The following SULT6B1 variants were observed in gnomAD, a reference collection of about 807,000 sequenced individuals.
The protein encoded by SULT6B1 is sulfotransferase family 6B member 1, also known as sulfotransferase 6B1.
SULT6B1 carries 44 observed loss-of-function variants against 37.2 expected under a neutral mutation model. The observed-to-expected ratio is 1.18, with a 90% CI of 0.93 to 1.52. The LOEUF (loss-of-function observed/expected upper bound fraction) is 1.52, where lower values mean the gene tolerates loss of function less well. Ranked by LOEUF, SULT6B1 falls within the 40% of genes most tolerant of loss-of-function variation. The probability of loss-of-function intolerance (pLI) is 0.00; values close to 1 mark genes in which losing one functional copy is unlikely to be tolerated. For synonymous variants in SULT6B1, 140 were observed against 126.0 expected, an observed-to-expected ratio of 1.11 and a Z score of -0.74; for missense variants, 450 against 361.0, an observed-to-expected ratio of 1.25 and a Z score of -2.00.
At chr2:37,170,964 C>T (rs188481450) in intron 6 of SULT6B1, among the ~76,000 whole-genome samples, 4 of 150,074 alleles carry the variant, frequency 2.7e-5, no homozygotes, top group South Asian at 2.1e-4. Flanking sequence ...GGCGGCCGGG[C>T]GCGGTGGCTC....
chr2:37,191,563 G>T (rs146723437), upstream of SULT6B1, among the ~76,000 whole-genome samples: 1 of 152,290 alleles, frequency 6.6e-6, no homozygotes, highest in East Asian at 1.9e-4. Context: ...TTGGCAGATC[G>T]CAAGTTCTTG....
intron 6 of SULT6B1, among the ~76,000 whole-genome samples, chr2:37,171,169 G>A (rs1003795691): frequency 1.1e-4 from 16 of 151,990 alleles, no homozygotes; most frequent in African/African-American, 3.4e-4. Context: ...GAACCCAGGA[G>A]GCGGAGGTTG....
At position 37,167,984 on chromosome 2, in the gene SULT6B1, C is replaced by G; in HGVS notation, c.863G>C (p.Gly288Ala). 2 of 1,599,584 alleles carry G rather than the reference C, an allele frequency of 1.3e-6. No homozygotes were observed. The highest frequency in any genetic ancestry group is 1.7e-6 in the Non-Finnish European group (2 of 1,176,614). The change falls in exon 7 of 7, where the codon GGC (glycine) becomes GCC (alanine). Residue 288 changes from glycine (G) to alanine (A), a missense_variant. Coordinates refer to ENST00000535679, the MANE Select transcript of SULT6B1 (RefSeq NM_001367551.1). ...CTTCAACTTTGCTCCGAGGGAGGTGCCTGCTAAGCACTCTTTGAATTTTTC... is the reference window on the plus strand; with the variant it reads ...CTTCAACTTTGCTCCGAGGGAGGTGGCTGCTAAGCACTCTTTGAATTTTTC... Reference protein sequence around the residue: ...MDEKFKECLAGTSLGAKLKYE... With the variant: ...MDEKFKECLAATSLGAKLKYE...
At chr2:37,182,665 A>C (rs146128075) in intron 3 of SULT6B1, among the ~76,000 whole-genome samples, 3,530 of 152,272 alleles carry the variant, frequency 0.023, 65 homozygotes, top group Middle Eastern at 0.054. Context: ...ACTAATTCAA[A>C]TCATTTTCTT....
chr2:37,168,174 GA>G (rs1676220249), intron 6 of SULT6B1, 109 bp from the exon 7 acceptor site: 2 of 1,139,384 alleles, frequency 1.8e-6, no homozygotes, highest in South Asian at 1.8e-5. Context: ...TGGACACATG[GA>G]AAAAAGCTTT....
At chr2:37,172,212 G>C (rs1676319628) in intron 5 of SULT6B1, among the ~76,000 whole-genome samples, 1 of 152,008 alleles carries the variant, frequency 6.6e-6, no homozygotes, top group Non-Finnish European at 1.5e-5. Flanking sequence ...CACCACATCT[G>C]GCTAATTCTT....
intron 4 of SULT6B1, among the ~76,000 whole-genome samples, chr2:37,177,818 T>C (rs1676464064): frequency 6.6e-6 from 1 of 152,230 alleles, no homozygotes; most frequent in Admixed American, 6.5e-5. Flanking sequence ...CATCATTTTG[T>C]TGTACACCTT....
In SULT6B1 at chr2:37,167,928, A is replaced by G. The variant is rs1676214837; in HGVS notation, c.*7T>C. ...AAATAAATCTAGGCCTGCTGAATTG[A>G]CTGGAATCAACCCTGGCAATATGAT... On this transcript the variant is annotated 3_prime_UTR_variant, in exon 7 of 7. Transcript: ENST00000535679. The G allele has an allele frequency of 1.3e-6, 2 of 1,568,600 alleles. No homozygotes were observed. The highest frequency in any genetic ancestry group is 8.6e-7 in the Non-Finnish European group (1 of 1,167,044).
upstream of SULT6B1, among the ~76,000 whole-genome samples, chr2:37,191,863 G>T (rs560442876): frequency 3.3e-5 from 5 of 152,214 alleles, no homozygotes; most frequent in Non-Finnish European, 7.3e-5. Context: ...GGGACTAAAA[G>T]AGCTGTTAGC....
chr2:37,178,432 T>C (rs1264411566), intron 4 of SULT6B1, among the ~76,000 whole-genome samples: 2 of 151,988 alleles, frequency 1.3e-5, no homozygotes, highest in African/African-American at 2.4e-5. Flanking sequence ...GACGGGGTTT[T>C]GCCATGTTGG....
In SULT6B1 at chr2:37,183,431, T is replaced by C; in HGVS notation, c.396A>G (p.Lys132=). 1 of 1,613,610 alleles carries C rather than the reference T, an allele frequency of 6.2e-7. No homozygotes were observed. Among genetic ancestry groups the C allele is most frequent in the Non-Finnish European group, 8.5e-7 (1 of 1,179,510 alleles). The stretch of plus-strand genomic sequence containing the variant: ...AGTAGGAAAGGACACTCACCTTGGC[T>C]TTATTCTCGAAGATAGACCCAGGTA... ...DKLPGSIFEN[K]AKILVIFRNP... Residue 132 remains lysine (K), a synonymous_variant, in exon 3 of 7, where the codon AAA becomes AAG. Transcript: ENST00000535679.
intron 4 of SULT6B1, among the ~76,000 whole-genome samples, chr2:37,179,174 A>G (rs10181764): frequency 0.3 from 45,145 of 151,932 alleles, 7,735 homozygotes; most frequent in East Asian, 0.78. Context: ...TAGCCAGGAC[A>G]GTCTTGATCT....
At chr2:37,187,287 G>T in intron 2 of SULT6B1, 68 bp downstream of exon 2, 2 of 1,077,268 alleles carry the variant, frequency 1.9e-6, no homozygotes, top group Non-Finnish European at 2.8e-6. Flanking sequence ...GAAAACTAAA[G>T]AATCTCCAAA....
intron 4 of SULT6B1, 66 bp downstream of exon 4, chr2:37,179,392 T>C (rs1676500745): frequency 6.3e-7 from 1 of 1,586,794 alleles, no homozygotes; most frequent in Non-Finnish European, 8.6e-7. Flanking sequence ...CTAAAACACA[T>C]TTGGGTTTTC....
At chr2:37,192,206 G>A (rs1676793733), upstream of SULT6B1, among the ~76,000 whole-genome samples, 1 of 152,196 alleles carries the variant, frequency 6.6e-6, no homozygotes, top group Admixed American at 6.5e-5. Flanking sequence ...TATATCAATT[G>A]TAAGATGCAT....
At chr2:37,171,721 G>A in intron 5 of SULT6B1, 131 bp from the exon 6 acceptor site, 1 of 734,464 alleles carries the variant, frequency 1.4e-6, no homozygotes, top group Non-Finnish European at 2.2e-6. Context: ...TTTAAACTTA[G>A]AGTACTTTCA....
Position 37,168,013 on chromosome 2 carries a change from C to A in SULT6B1, c.834G>T (p.Met278Ile), listed in dbSNP as rs746386708. ...CTAAGCACTCTTTGAATTTTTCATC[C>A]ATTTCCTGGTTCTGAATTTCACTGA... ...NLFSEIQNQE[M>I]DEKFKECLAG... The change falls in exon 7 of 7, where the codon ATG (methionine) becomes ATT (isoleucine). Residue 278 changes from methionine (M) to isoleucine (I), a missense_variant. Physicochemically the swap from Met to Ile is conservative, Grantham distance 10. Coordinates refer to ENST00000535679, the MANE Select transcript of SULT6B1 (RefSeq NM_001367551.1). The A allele has an allele frequency of 6.2e-7, 1 of 1,601,244 alleles. No homozygotes were observed. Among genetic ancestry groups the A allele is most frequent in the South Asian group, 1.1e-5 (1 of 88,214 alleles).
chr2:37,183,389 A>T, intron 3 of SULT6B1, 36 bp downstream of exon 3: 1 of 1,527,956 alleles, frequency 6.5e-7, no homozygotes, highest in Non-Finnish European at 9.0e-7. Context: ...TATACATAGA[A>T]ATTTCAAAGA....
chr2:37,171,702 A>C, intron 5 of SULT6B1, 112 bp from the exon 6 acceptor site: 2 of 904,146 alleles, frequency 2.2e-6, no homozygotes, highest in Non-Finnish European at 1.7e-6. Context: ...AGTTCATCTC[A>C]TCCCCCACTT....
Sources: allele counts gnomAD v4.1 joint callset (sites outside exome capture counted in the v4.1 genomes callset), GRCh38; gene constraint gnomAD v4.1.1; transcripts MANE v1.5; gene names NCBI Gene and HGNC (gene_info 2026-07-23, HGNC 2026-07-21).